SH2D4B: variants seen among roughly 807,000 people sequenced by gnomAD.
SH2D4B encodes the protein SH2 domain-containing protein 4B.
SH2D4B carries 45 observed loss-of-function variants against 61.5 expected under a neutral mutation model. The observed-to-expected ratio is 0.73, with a 90% CI of 0.58 to 0.94. The LOEUF is 0.94. Among genes scored for constraint, SH2D4B ranks in the 40% least tolerant of loss-of-function variants. The pLI is 0.00. For synonymous variants in SH2D4B, 224 were observed against 220.4 expected (o/e 1.02, Z -0.14); for missense variants, 572 against 574.2 (o/e 1.00, Z 0.04).
chr10:80,609,533 A>G lies in SH2D4B; in HGVS notation c.970A>G (p.Ile324Val), dbSNP rs1842569185. 2 of 1,614,150 alleles carry G rather than the reference A, an allele frequency of 1.2e-6. No individual in the cohort carries two copies. Among genetic ancestry groups the G allele is most frequent in the Non-Finnish European group, 1.7e-6 (2 of 1,180,040 alleles). Residue 324 changes from isoleucine (I) to valine (V), a missense_variant, in exon 6 of 8, where the codon ATC (isoleucine) becomes GTC (valine). Transcript: ENST00000646907. The part of the protein sequence containing the change: ...RAGFERNTKF[I>V]APWFHGIISR... ...TGGCTTCGAGAGGAACACCAAGTTC[A>G]TCGCCCCCTGGTTCCATGGTAGCAC...
chr10:80,631,987 G>C (rs1026644345), intron 6 of SH2D4B, among the ~76,000 whole-genome samples: 1 of 152,158 alleles, frequency 6.6e-6, no homozygotes, highest in African/African-American at 2.4e-5. Context: ...ACCCAGGCTA[G>C]AGTATGGTAG....
chr10:80,584,516 CAT>C (rs1436597808), intron 3 of SH2D4B, among the ~76,000 whole-genome samples: 1 of 152,138 alleles, frequency 6.6e-6, no homozygotes, highest in African/African-American at 2.4e-5. Flanking sequence ...CCATACCTGT[CAT>C]ATTTTACTGA....
chr10:80,559,896 C>G (rs369567305), intron 1 of SH2D4B, among the ~76,000 whole-genome samples: 1 of 151,898 alleles, frequency 6.6e-6, no homozygotes, highest in Non-Finnish European at 1.5e-5. Flanking sequence ...CTTTGCCCCC[C>G]CAGAGTGGTT....
chr10:80,636,014 G>A (rs1009027251), intron 7 of SH2D4B, among the ~76,000 whole-genome samples: 1 of 152,086 alleles, frequency 6.6e-6, no homozygotes, highest in African/African-American at 2.4e-5. Flanking sequence ...TGTTCTCATT[G>A]TTCACTTCCC....
chr10:80,635,040 G>A (rs1434382562), intron 7 of SH2D4B, among the ~76,000 whole-genome samples: 6 of 152,168 alleles, frequency 3.9e-5, no homozygotes, highest in African/African-American at 1.2e-4. Context: ...CTCACCAAAC[G>A]TCAGCGTCCT....
chr10:80,579,777 T>C (rs746424067), intron 3 of SH2D4B, among the ~76,000 whole-genome samples: 4 of 152,180 alleles, frequency 2.6e-5, no homozygotes, highest in Non-Finnish European at 4.4e-5. Context: ...GATTACTGCT[T>C]TATTTCCAAT....
chr10:80,612,957 A>G (rs1356693003), intron 6 of SH2D4B, among the ~76,000 whole-genome samples: 2 of 152,218 alleles, frequency 1.3e-5, no homozygotes, highest in Non-Finnish European at 1.5e-5. Flanking sequence ...CTGGCATTGT[A>G]ACATCTACTT....
chr10:80,591,290 A>G lies in SH2D4B; in HGVS notation c.643+2513A>G, dbSNP rs527668836. ...CCTAGGAGTGCAGTTTCTGGGTCAT[A>G]TGGTATCTTAGTCTTCTATTTTTAT... On this transcript the variant is annotated intron_variant, in intron 4 of 7. Transcript: ENST00000646907. 2.6e-5 allele frequency among the ~76,000 whole-genome samples: 4 copies of G among 152,136 alleles called. No homozygotes were observed. In the South Asian group the frequency reaches 6.2e-4, roughly 24 times the overall value.
intron 3 of SH2D4B, among the ~76,000 whole-genome samples, chr10:80,576,096 G>A (rs181639788): frequency 3.1e-4 from 47 of 152,318 alleles, no homozygotes; most frequent in African/African-American, 7.7e-4. Flanking sequence ...TGGAGTCCTG[G>A]GGCTCAGCTC....
At chr10:80,549,804 G>A (rs974025041) in intron 1 of SH2D4B, among the ~76,000 whole-genome samples, 1 of 152,166 alleles carries the variant, frequency 6.6e-6, no homozygotes, top group Admixed American at 6.5e-5. Context: ...GCACAACCTC[G>A]ACTTACCAGG....
chr10:80,575,635 A>C (rs1842115618), intron 3 of SH2D4B, among the ~76,000 whole-genome samples: 1 of 152,086 alleles, frequency 6.6e-6, no homozygotes, highest in Admixed American at 6.6e-5. Context: ...TAAAAAATAC[A>C]AAAATTAGCC....
chr10:80,620,800 G>A (rs896885002), intron 6 of SH2D4B, among the ~76,000 whole-genome samples: 1 of 152,190 alleles, frequency 6.6e-6, no homozygotes, highest in Non-Finnish European at 1.5e-5. Context: ...TCTCAGCACA[G>A]TGGTTAACAT....
intron 1 of SH2D4B, among the ~76,000 whole-genome samples, chr10:80,552,584 CA>C (rs959396950): frequency 2.6e-5 from 4 of 152,198 alleles, no homozygotes; most frequent in Non-Finnish European, 4.4e-5. Context: ...CTTATCTCGG[CA>C]CTCCCTGTAA....
chr10:80,618,048 C>A (rs1293523434), intron 6 of SH2D4B, among the ~76,000 whole-genome samples: 2 of 152,216 alleles, frequency 1.3e-5, no homozygotes, highest in South Asian at 2.1e-4. Context: ...CCTATTGGAA[C>A]TGCACAGACT....
rs558209547 is a variant in SH2D4B at position 80,612,867 on chromosome 10, A to G, written c.988+3316A>G. On this transcript the variant is annotated intron_variant, in intron 6 of 7. Transcript: ENST00000646907. Reference sequence around the variant, plus strand: ...TATCCAAACAGCAAATAGACAAAGAATCTGAAGATATGGGGTCCATTCTAG... The same window carrying G: ...TATCCAAACAGCAAATAGACAAAGAGTCTGAAGATATGGGGTCCATTCTAG... Among the ~76,000 whole-genome samples the G allele has an allele frequency of 3.3e-5, 5 of 152,356 alleles. No homozygotes were observed. The South Asian group carries it at 1.0e-3, about 32-fold the overall frequency.
chr10:80,614,539 G>A (rs183989405), intron 6 of SH2D4B, among the ~76,000 whole-genome samples: 13 of 152,350 alleles, frequency 8.5e-5, no homozygotes, highest in Admixed American at 3.3e-4. Flanking sequence ...GGGGATGGAT[G>A]GGGATTCTGA....
chr10:80,570,466 C>T lies in SH2D4B; in HGVS notation c.347+150C>T, dbSNP rs957113185. 6.3e-5 allele frequency: 58 copies of T among 922,046 alleles called. 1 individual carries two copies. Among genetic ancestry groups the T allele is most frequent in the South Asian group, 4.8e-4 (27 of 56,422 alleles). The allele number at this position is 922,046 out of a possible 1,614,324, so 57.1% of individuals were successfully genotyped here. ...AACTCCTGACCTCAGGTGAGCCACC[C>T]GCTTCGGCCTCCCAAAGTGTTGGGA... is the stretch of plus-strand genomic sequence containing the variant. On this transcript the variant is annotated intron_variant, in intron 2 of 7. Transcript: ENST00000646907.
intron 1 of SH2D4B, among the ~76,000 whole-genome samples, chr10:80,559,860 C>T (rs1468035917): frequency 6.6e-6 from 1 of 151,884 alleles, no homozygotes; most frequent in Admixed American, 6.6e-5. Context: ...TGGTCTCAAA[C>T]TCCTGGGCTC....
rs1840376460 is a variant in SH2D4B, at chr10:80,645,118, C to T, written c.*1033C>T. 6.6e-6 allele frequency: 1 copy of T among 152,206 alleles called. No individual in the cohort carries two copies. Among genetic ancestry groups the T allele is most frequent in the African/African-American group, 2.4e-5 (1 of 41,450 alleles). 9.4% of individuals were successfully genotyped at this position (152,206 alleles called of 1,614,324 possible). A position where few individuals can be genotyped will look rare whatever the true frequency, so the allele number is the denominator to read the frequency against. On this transcript the variant is annotated 3_prime_UTR_variant, in exon 8 of 8. Transcript: ENST00000646907. ...CTTTACAGTCAAGAAGACTTGGGTT[C>T]ATATCCTAACCCTGGAACTTACTAG...
Sources: allele counts gnomAD v4.1 joint callset (sites outside exome capture counted in the v4.1 genomes callset), GRCh38; gene constraint gnomAD v4.1.1; transcripts MANE v1.5; gene names NCBI Gene and HGNC (gene_info 2026-07-23, HGNC 2026-07-21).